Variants in KALRN observed in about 807,000 individuals in gnomAD.
The protein encoded by KALRN is kalirin RhoGEF kinase, also known as kalirin.
In KALRN, 70 loss-of-function variants were observed where a neutral mutation model predicts 353.7. That is an observed-to-expected ratio of 0.20 (90% confidence interval 0.16 to 0.24). The LOEUF is 0.24. KALRN is among the 10% of genes least tolerant of loss of function. KALRN has a pLI of 1.00. For missense variants in KALRN, 2,791 were observed against 3,756.7 expected (o/e 0.74, Z 6.72); for synonymous variants, 1,391 against 1,434.8 (o/e 0.97, Z 0.69).
At chr3:124,558,765 A>C (rs1258613368) in intron 33 of KALRN, among the ~76,000 whole-genome samples, 1 of 152,250 alleles carries the variant, frequency 6.6e-6, no homozygotes, top group Non-Finnish European at 1.5e-5. Context: ...ACAGTTGGTG[A>C]GGAGCTGCAG....
At chr3:124,676,883 G>A (rs1219482152) in intron 49 of KALRN, among the ~76,000 whole-genome samples, 3 of 152,220 alleles carry the variant, frequency 2.0e-5, no homozygotes, top group Admixed American at 1.3e-4. Flanking sequence ...GCAGGGGACA[G>A]TAGAGAGCCT....
Position 124,067,550 on chromosome 3 carries a change from G to A in KALRN, c.73+33737G>A, listed in dbSNP as rs115566103. Among the ~76,000 whole-genome samples the A allele has an allele frequency of 3.7e-3, 561 of 152,270 alleles. 2 individuals carry two copies. The highest frequency in any genetic ancestry group is 0.013 in the African/African-American group (532 of 41,538). On this transcript the variant is annotated intron_variant, in intron 1 of 59. Coordinates refer to ENST00000682506, the MANE Select transcript of KALRN (RefSeq NM_001388419.1). ...AAAAAAACCACAAGAGAAAAGATATGGGATAGGTCTGTGCACTTAGGATAG... is the reference window on the plus strand; with the variant it reads ...AAAAAAACCACAAGAGAAAAGATATAGGATAGGTCTGTGCACTTAGGATAG...
intron 1 of KALRN, among the ~76,000 whole-genome samples, chr3:124,147,071 C>T (rs139668720): frequency 1.3e-3 from 195 of 152,042 alleles, no homozygotes; most frequent in African/African-American, 4.6e-3. Flanking sequence ...GAGATAATAG[C>T]GCTCATCACC....
chr3:124,120,836 A>C (rs945464886), intron 1 of KALRN, among the ~76,000 whole-genome samples: 1 of 150,646 alleles, frequency 6.6e-6, no homozygotes, highest in Non-Finnish European at 1.5e-5. Flanking sequence ...ATGCTCCTGT[A>C]ATCCCAGCAC....
chr3:124,636,878 C>T (rs2081404530), intron 36 of KALRN, among the ~76,000 whole-genome samples: 1 of 152,162 alleles, frequency 6.6e-6, no homozygotes, highest in Non-Finnish European at 1.5e-5. Flanking sequence ...GCAGTAGCCC[C>T]CGCCCTCCAA....
At chr3:124,183,336 G>T (rs1451235501) in intron 1 of KALRN, among the ~76,000 whole-genome samples, 2 of 152,180 alleles carry the variant, frequency 1.3e-5, no homozygotes, top group Non-Finnish European at 2.9e-5. Context: ...GTCTCAGGAA[G>T]CTTCCAATCA....
At chr3:124,491,466 T>G in intron 31 of KALRN, 42 bp downstream of exon 31, 1 of 1,424,318 alleles carries the variant, frequency 7.0e-7, no homozygotes, top group Non-Finnish European at 9.5e-7. Context: ...GGGTTGGGGA[T>G]AATAGAAGTG....
intron 43 of KALRN, among the ~76,000 whole-genome samples, chr3:124,660,144 G>T (rs59819563): frequency 0.08 from 12,133 of 151,920 alleles, 987 homozygotes; most frequent in African/African-American, 0.21. Context: ...TGTTGCTCAG[G>T]CTGGTCTCAA....
At chr3:124,144,687 T>C (rs184195755) in intron 1 of KALRN, among the ~76,000 whole-genome samples, 170 of 151,616 alleles carry the variant, frequency 1.1e-3, no homozygotes, top group African/African-American at 3.1e-3. Context: ...CTCCTCTTCC[T>C]CCTTCTGGTT....
intron 10 of KALRN, among the ~76,000 whole-genome samples, chr3:124,381,872 G>A (rs2087435905): frequency 6.6e-6 from 1 of 152,182 alleles, no homozygotes; most frequent in African/African-American, 2.4e-5. Context: ...ACTATAAAGT[G>A]TGATGATGGC....
intron 1 of KALRN, among the ~76,000 whole-genome samples, chr3:124,084,377 A>C (rs1281807167): frequency 2.0e-5 from 3 of 152,160 alleles, no homozygotes; most frequent in Non-Finnish European, 4.4e-5. Flanking sequence ...CTTTGCCCCA[A>C]GCTTCAGTAT....
chr3:124,404,971 A>G (rs1044758574), intron 13 of KALRN, among the ~76,000 whole-genome samples: 1 of 152,210 alleles, frequency 6.6e-6, no homozygotes, highest in African/African-American at 2.4e-5. Context: ...CAACTGTATC[A>G]AGAAAGAAGC....
At chr3:124,094,893 T>G in intron 1 of KALRN, 1 of 1,614,114 alleles carries the variant, frequency 6.2e-7, no homozygotes, top group Non-Finnish European at 8.5e-7. Context: ...TTGCTCCGGC[T>G]GCTGGATCGA....
chr3:124,596,648 A>G (rs1356196769), intron 34 of KALRN, among the ~76,000 whole-genome samples: 1 of 152,178 alleles, frequency 6.6e-6, no homozygotes, highest in East Asian at 1.9e-4. Flanking sequence ...AGACCATGGA[A>G]TCTCTTCATA....
intron 1 of KALRN, chr3:124,163,587 T>C: frequency 1.0e-6 from 1 of 984,968 alleles, no homozygotes; most frequent in Non-Finnish European, 1.2e-6. Context: ...GCTGGACACA[T>C]AATAGGTTGA....
chr3:124,722,402 G>A lies in KALRN; in HGVS notation c.*2932G>A, dbSNP rs532505907. 3.9e-5 allele frequency: 6 copies of A among 152,208 alleles called. No homozygotes were observed. The highest frequency in any genetic ancestry group is 1.4e-4 in the African/African-American group (6 of 41,504). The allele number at this position is 152,208 out of a possible 1,614,324, so 9.4% of individuals were successfully genotyped here. The stretch of plus-strand genomic sequence containing the variant: ...GGATGATTTTGTTAACTGGAGCCAA[G>A]GTACAATCATTAGACTAGAATGAAC... On this transcript the variant is annotated 3_prime_UTR_variant, in exon 60 of 60. Transcript: ENST00000682506.
intron 4 of KALRN, among the ~76,000 whole-genome samples, chr3:124,265,295 A>ATTTTTTTTTTTT (rs1465968614): frequency 3.9e-4 from 24 of 61,104 alleles, no homozygotes; most frequent in East Asian, 7.9e-4. Flanking sequence ...TTAAGAAAAT[A>ATTTTTTTTTTTT]TTCTTTTTTT....
chr3:124,688,031 C>G (rs1196150844), intron 51 of KALRN, among the ~76,000 whole-genome samples: 1 of 152,002 alleles, frequency 6.6e-6, no homozygotes, highest in African/African-American at 2.4e-5. Context: ...GCAGAGGAGG[C>G]TGTGTGTGGT....
intron 5 of KALRN, among the ~76,000 whole-genome samples, chr3:124,282,007 A>G (rs1057260747): frequency 3.3e-5 from 5 of 152,300 alleles, no homozygotes; most frequent in East Asian, 1.9e-4. Flanking sequence ...CTTGCAATGG[A>G]AAGAGTGATT....
Sources: gnomAD v4.1 joint callset for allele counts (sites outside exome capture counted in the v4.1 genomes callset) on GRCh38, gnomAD v4.1.1 for gene constraint, MANE v1.5 for transcripts, NCBI Gene and HGNC (gene_info 2026-07-23, HGNC 2026-07-21) for gene names.